LPL: variants seen among roughly 807,000 people sequenced by gnomAD.
The protein encoded by LPL is lipoprotein lipase.
In LPL, 43 loss-of-function variants were observed where a neutral mutation model predicts 52.2. The observed-to-expected ratio is 0.82, with a 90% CI of 0.64 to 1.06. LPL has a LOEUF of 1.06. Among genes scored for constraint, LPL ranks in the 50% least tolerant of loss-of-function variants. The pLI is 0.00. For synonymous variants in LPL, 244 were observed against 215.6 expected (o/e 1.13, Z -1.15); for missense variants, 639 against 585.3 (o/e 1.09, Z -0.95).
At position 19,955,908 on chromosome 8, in the gene LPL, T is replaced by A; in HGVS notation, c.843T>A (p.Asn281Lys). 1 of 1,614,160 alleles carries A rather than the reference T, an allele frequency of 6.2e-7. No individual in the cohort carries two copies. Among genetic ancestry groups the A allele is most frequent in the Non-Finnish European group, 8.5e-7 (1 of 1,180,028 alleles). Reference protein sequence around the residue: ...SIHLFIDSLLNEENPSKAYRC... With the variant: ...SIHLFIDSLLKEENPSKAYRC... ...ATCTCTTCATCGACTCTCTGTTGAA[T>A]GAAGAAAATCCAAGTAAGGCCTACA... The change falls in exon 6 of 10, where the codon AAT becomes AAA. Residue 281 changes from asparagine (N) to lysine (K), a missense_variant. Physicochemically the swap from Asn to Lys is moderately conservative, Grantham distance 94. Transcript: ENST00000650287.
Position 19,962,165 on chromosome 8 carries a change from C to T in LPL, c.1373C>T (p.Ala458Val), listed in dbSNP as rs140236957. 75 of 1,613,792 alleles carry T rather than the reference C, an allele frequency of 4.6e-5. No individual in the cohort carries two copies. Among genetic ancestry groups the T allele is most frequent in the Non-Finnish European group, 5.8e-5 (69 of 1,179,858 alleles). Residue 458 changes from alanine (A) to valine (V), a missense_variant, in exon 9 of 10, where the codon GCA becomes GTA. By Grantham distance (64) the Ala-to-Val change is moderately conservative. Transcript: ENST00000650287. ...EKVSHLQKGK[A>V]PAVFVKCHDK... The stretch of plus-strand genomic sequence containing the variant: ...GTGTCTCATTTGCAGAAAGGAAAGG[C>T]ACCTGCGGTATTTGTGAAATGCCAT...
Position 19,939,541 on chromosome 8 carries a change from C to T in LPL, c.88+13C>T, listed in dbSNP as rs767299895. ...GCCGCCGCCGACCGTAAGTTTTGCG[C>T]GCAAACTCCCCTCCACCTGCAGACC... On this transcript the variant is annotated intron_variant, in intron 1 of 9. Coordinates refer to ENST00000650287, the MANE Select transcript of LPL (RefSeq NM_000237.3). This position sits in a 1 kb window ranked among gnomAD's most constrained non-coding sequence, Gnocchi z 4.0. 1.2e-6 allele frequency: 2 copies of T among 1,603,922 alleles called. No individual in the cohort carries two copies. Among genetic ancestry groups the T allele is most frequent in the South Asian group, 1.1e-5 (1 of 89,812 alleles).
intron 2 of LPL, 48 bp from the exon 3 acceptor site, chr8:19,951,721 A>T: frequency 1.2e-6 from 2 of 1,604,042 alleles, no homozygotes; most frequent in Non-Finnish European, 1.7e-6. Context: ...TGTATCTATG[A>T]CAAGTGGTAG....
Position 19,953,973 on chromosome 8 carries a change from T to C in LPL, c.542-147T>C, listed in dbSNP as rs11570899. 1.6e-3 allele frequency: 1,112 copies of C among 696,736 alleles called. 29 individuals carry two copies. In the East Asian group the frequency reaches 0.03, roughly 19 times the overall value. 43.2% of individuals were successfully genotyped at this position (696,736 alleles called of 1,614,324 possible). On this transcript the variant is annotated intron_variant, in intron 4 of 9. Coordinates refer to ENST00000650287, the MANE Select transcript of LPL (RefSeq NM_000237.3). ...AAGGAGCCAAGCCTCCTTTTATGTC[T>C]CTCTAAGTAAAGATACCATGACTGT...
At chr8:19,961,411 G>A (rs984160998) in intron 8 of LPL, among the ~76,000 whole-genome samples, 2 of 151,344 alleles carry the variant, frequency 1.3e-5, no homozygotes, top group Non-Finnish European at 2.9e-5. Flanking sequence ...AATAGTTAGG[G>A]AACAAACCTC....
chr8:19,953,055 T>C (rs2069949282), intron 3 of LPL, among the ~76,000 whole-genome samples: 1 of 152,184 alleles, frequency 6.6e-6, no homozygotes, highest in African/African-American at 2.4e-5. Context: ...GGAAAAACTT[T>C]GTAATTTAAA....
chr8:19,963,960 T>G (rs1478308638), intron 9 of LPL, among the ~76,000 whole-genome samples: 1 of 152,146 alleles, frequency 6.6e-6, no homozygotes, highest in African/African-American at 2.4e-5. Flanking sequence ...GTTTTGGTTT[T>G]TTTTTTCTTG....
At chr8:19,953,512 A>G (rs1385818504) in intron 4 of LPL, 91 bp downstream of exon 4, 12 of 858,232 alleles carry the variant, frequency 1.4e-5, no homozygotes, top group African/African-American at 1.2e-4. Context: ...AAATACCCAC[A>G]TGTGTGGTGT....
rs115064749 is a variant in LPL, at chr8:19,945,977, A to G, written c.89-2203A>G. Among the ~76,000 whole-genome samples, 1,082 of 152,278 alleles carry G rather than the reference A, an allele frequency of 7.1e-3. 9 individuals are homozygous for G. The highest frequency in any genetic ancestry group is 0.025 in the African/African-American group (1,039 of 41,526). ...AAATTAGTTTTAAATTTTCTAAAGC[A>G]CTTTTTAACAGGAAAAGAAGTTCTT... On this transcript the variant is annotated intron_variant, in intron 1 of 9. Transcript: ENST00000650287.
intron 4 of LPL, 148 bp from the exon 5 acceptor site, chr8:19,953,972 C>G: frequency 1.4e-6 from 1 of 694,006 alleles, no homozygotes; most frequent in South Asian, 1.6e-5. Context: ...CCTTTTATGT[C>G]TCTCTAAGTA....
At chr8:19,953,617 C>G (rs928823428) in intron 4 of LPL, among the ~76,000 whole-genome samples, 196 bp downstream of exon 4, 47 of 152,236 alleles carry the variant, frequency 3.1e-4, no homozygotes, top group African/African-American at 1.1e-3. Context: ...GGCTTACTAT[C>G]CACTGGCAAT....
chr8:19,954,009 C>T (rs1287866648), intron 4 of LPL, 111 bp from the exon 5 acceptor site: 6 of 784,640 alleles, frequency 7.6e-6, no homozygotes, highest in Non-Finnish European at 1.4e-5. Context: ...AGAATAGGAG[C>T]TAATAAGAAT....
intron 3 of LPL, among the ~76,000 whole-genome samples, 167 bp from the exon 4 acceptor site, chr8:19,953,143 C>T (rs1010782226): frequency 3.9e-5 from 6 of 152,160 alleles, no homozygotes; most frequent in Admixed American, 1.3e-4. Flanking sequence ...ACAATTTTAA[C>T]ACTAGAGAAT....
chr8:19,956,905 C>G (rs1259370241), intron 6 of LPL, among the ~76,000 whole-genome samples: 1 of 152,160 alleles, frequency 6.6e-6, no homozygotes, highest in African/African-American at 2.4e-5. Context: ...CTCACCACAA[C>G]CTCTGCCTCC....
chr8:19,963,392 C>T (rs867339050), intron 9 of LPL, among the ~76,000 whole-genome samples: 17 of 149,506 alleles, frequency 1.1e-4, no homozygotes, highest in Middle Eastern at 3.5e-3. Flanking sequence ...GATGAGATCG[C>T]GCCATTATAT....
Position 19,939,423 on chromosome 8 carries a change from A to G in LPL, c.-18A>G. 6.3e-7 allele frequency: 1 copy of G among 1,599,776 alleles called. No homozygotes were observed. The highest frequency in any genetic ancestry group is 8.5e-7 in the Non-Finnish European group (1 of 1,173,952). On this transcript the variant is annotated 5_prime_UTR_variant, in exon 1 of 10. Transcript: ENST00000650287. This position sits in a 1 kb window ranked among gnomAD's most constrained non-coding sequence, Gnocchi z 4.0. ...TCGGTCCGCGCCTTGCAGCTCCTCC[A>G]GAGGGACGCGCCCCGAGATGGAGAG...
intron 8 of LPL, 81 bp downstream of exon 8, chr8:19,961,164 A>G (rs1240161195): frequency 3.2e-6 from 4 of 1,244,442 alleles, no homozygotes; most frequent in Non-Finnish European, 3.5e-6. Context: ...AGGGGCCTTC[A>G]CAATTCAGGG....
At chr8:19,961,657 C>A (rs1025886459) in intron 8 of LPL, among the ~76,000 whole-genome samples, 3 of 152,114 alleles carry the variant, frequency 2.0e-5, no homozygotes, top group East Asian at 1.9e-4. Context: ...CAAATTATTT[C>A]TCTTTAGTCA....
chr8:19,960,534 G>A (rs2070028751), intron 7 of LPL, among the ~76,000 whole-genome samples: 2 of 152,118 alleles, frequency 1.3e-5, no homozygotes, highest in South Asian at 4.1e-4. Flanking sequence ...AAAATCTGAA[G>A]AGAATAAAGA....
Sources: allele counts gnomAD v4.1 joint callset (sites outside exome capture counted in the v4.1 genomes callset), GRCh38; gene constraint gnomAD v4.1.1; non-coding constraint Gnocchi (gnomAD v3.1); transcripts MANE v1.5; gene names NCBI Gene and HGNC (gene_info 2026-07-23, HGNC 2026-07-21).